The following GRAMD4 variants were observed in gnomAD, a reference collection of about 807,000 sequenced individuals.
GRAMD4 encodes GRAM domain-containing protein 4.
Under a neutral mutation model 83.9 loss-of-function variants are expected in GRAMD4, and 25 were observed. The observed-to-expected ratio is 0.30, with a 90% CI of 0.22 to 0.42. The LOEUF (loss-of-function observed/expected upper bound fraction) is 0.42, where lower values mean the gene tolerates loss of function less well. Among genes scored for constraint, GRAMD4 ranks in the 10% least tolerant of loss-of-function variants. The probability of loss-of-function intolerance (pLI) is 1.00; values close to 1 mark genes in which losing one functional copy is unlikely to be tolerated. For missense variants in GRAMD4, 593 were observed against 788.7 expected, an observed-to-expected ratio of 0.75 and a Z score of 2.97; for synonymous variants, 336 against 320.9, an observed-to-expected ratio of 1.05 and a Z score of -0.50.
Position 46,583,937 on chromosome 22 carries a change from G to A in GRAMD4, c.-50+6647G>A, listed in dbSNP as rs535135719. ...AGGGCAGAGTGGCTGTGTCACTGAT[G>A]TGGCCTTCTTCTTCAGGGGGGTCTG... On this transcript the variant is annotated intron_variant, in intron 1 of 1. Transcript: ENST00000431155. Among the ~76,000 whole-genome samples, 7 of 152,332 alleles carry A rather than the reference G, an allele frequency of 4.6e-5. No individual in the cohort carries two copies. The South Asian group carries it at 8.3e-4, about 18-fold the overall frequency.
At chr22:46,668,075 C>A (rs954458378) in intron 10 of GRAMD4, 21 bp from the exon 11 acceptor site, 2 of 1,557,274 alleles carry the variant, frequency 1.3e-6, no homozygotes, top group South Asian at 1.1e-5. Context: ...GTGGAAAATT[C>A]TCTTTCCCCT....
chr22:46,660,460 G>A (rs1431345362), intron 4 of GRAMD4, among the ~76,000 whole-genome samples: 6 of 152,148 alleles, frequency 3.9e-5, no homozygotes, highest in Non-Finnish European at 7.4e-5. Context: ...GGGTAGGTGT[G>A]TGAGGGCACA....
At chr22:46,651,217 C>A (rs975191878) in intron 3 of GRAMD4, among the ~76,000 whole-genome samples, 6 of 152,232 alleles carry the variant, frequency 3.9e-5, no homozygotes, top group African/African-American at 1.2e-4. Context: ...TTCTAGGTTC[C>A]GACTCACTCC....
intron 1 of GRAMD4, chr22:46,587,872 C>T (rs1367718663): frequency 1.0e-5 from 10 of 983,138 alleles, no homozygotes; most frequent in East Asian, 1.1e-4. Context: ...GCCCGGGCGT[C>T]GGGGTGGGGC....
chr22:46,658,037 C>T (rs371957039), intron 3 of GRAMD4, 150 bp from the exon 4 acceptor site: 130 of 922,514 alleles, frequency 1.4e-4, no homozygotes, highest in African/African-American at 1.1e-3. Flanking sequence ...GTGAGCGCCC[C>T]GCACCCTGGA....
At chr22:46,601,037 G>C (rs151136296) in intron 1 of GRAMD4, among the ~76,000 whole-genome samples, 2 of 152,222 alleles carry the variant, frequency 1.3e-5, no homozygotes, top group East Asian at 3.9e-4. Flanking sequence ...CCAGCTACTC[G>C]GGAGACTGGG....
chr22:46,642,299 A>C (rs578155334), intron 3 of GRAMD4, among the ~76,000 whole-genome samples: 1 of 152,138 alleles, frequency 6.6e-6, no homozygotes, highest in Non-Finnish European at 1.5e-5. Flanking sequence ...GATACACTCC[A>C]TGGGGATCCT....
chr22:46,585,567 C>G (rs1369510526), intron 1 of GRAMD4, among the ~76,000 whole-genome samples: 1 of 152,246 alleles, frequency 6.6e-6, no homozygotes, highest in East Asian at 1.9e-4. Flanking sequence ...CCCCAAGGCC[C>G]TTGCCTGGAA....
At chr22:46,602,515 T>C (rs1662884222) in intron 1 of GRAMD4, among the ~76,000 whole-genome samples, 1 of 151,954 alleles carries the variant, frequency 6.6e-6, no homozygotes, top group African/African-American at 2.4e-5. Flanking sequence ...GTACAAAAAT[T>C]AGCTGGGCAT....
chr22:46,661,305 G>A, intron 4 of GRAMD4, 76 bp from the exon 5 acceptor site: 1 of 1,140,452 alleles, frequency 8.8e-7, no homozygotes, highest in Non-Finnish European at 1.3e-6. Flanking sequence ...GGTCGCGAGA[G>A]CCCTCGGGGG....
At chr22:46,625,137 G>A (rs1334225476) in intron 1 of GRAMD4, among the ~76,000 whole-genome samples, 1 of 152,204 alleles carries the variant, frequency 6.6e-6, no homozygotes, top group African/African-American at 2.4e-5. Context: ...TGGAATTACA[G>A]GCGTGAGCCA....
chr22:46,588,821 AGGCTG>A (rs58705664), intron 1 of GRAMD4, among the ~76,000 whole-genome samples: 74,253 of 151,678 alleles, frequency 0.49, 20,195 homozygotes, highest in African/African-American at 0.75. Flanking sequence ...GATGTGGCCC[AGGCTG>A]GGCTGGGCTG....
chr22:46,674,616 C>A, intron 15 of GRAMD4, 41 bp from the exon 16 acceptor site: 1 of 1,355,510 alleles, frequency 7.4e-7, no homozygotes, highest in South Asian at 1.2e-5. Context: ...AGGCTGGGTA[C>A]TTCCAGTGGA....
intron 11 of GRAMD4, among the ~76,000 whole-genome samples, chr22:46,668,487 C>A (rs1478811739): frequency 6.6e-6 from 1 of 152,138 alleles, no homozygotes; most frequent in East Asian, 1.9e-4. Context: ...AGGACTCAGG[C>A]CCGGGTCTGC....
At chr22:46,608,606 G>T (rs948152009) in intron 1 of GRAMD4, among the ~76,000 whole-genome samples, 3 of 152,158 alleles carry the variant, frequency 2.0e-5, no homozygotes, top group African/African-American at 7.2e-5. Context: ...TTGAACCCAG[G>T]AGGCAGAGGT....
At chr22:46,613,515 G>C (rs2081438304) in intron 1 of GRAMD4, among the ~76,000 whole-genome samples, 2 of 152,268 alleles carry the variant, frequency 1.3e-5, no homozygotes, top group Non-Finnish European at 2.9e-5. Context: ...GCTGTGGTAT[G>C]TGGTGGTTTT....
chr22:46,623,254 C>T (rs970932790), intron 1 of GRAMD4, among the ~76,000 whole-genome samples: 7 of 152,206 alleles, frequency 4.6e-5, no homozygotes, highest in African/African-American at 1.2e-4. Flanking sequence ...GTGTTTCCCC[C>T]CACCAGGCCT....
chr22:46,589,726 T>C (rs1044523850), intron 1 of GRAMD4, among the ~76,000 whole-genome samples: 1 of 152,080 alleles, frequency 6.6e-6, no homozygotes, highest in African/African-American at 2.4e-5. Flanking sequence ...CTCAGCCTCA[T>C]GGGGTGGATC....
intron 1 of GRAMD4, among the ~76,000 whole-genome samples, chr22:46,625,997 C>T (rs2081652417): frequency 6.6e-6 from 1 of 152,206 alleles, no homozygotes; most frequent in Non-Finnish European, 1.5e-5. Context: ...CCCAGCTGGC[C>T]ATGGGTGCCT....
Sources: gnomAD v4.1 joint callset for allele counts (sites outside exome capture counted in the v4.1 genomes callset) on GRCh38, gnomAD v4.1.1 for gene constraint, MANE v1.5 for transcripts, NCBI Gene and HGNC (gene_info 2026-07-23, HGNC 2026-07-21) for gene names.